Variants in ATP8B4 observed in about 807,000 individuals in gnomAD.
ATP8B4 encodes the protein ATPase phospholipid transporting 8B4 (putative), also known as probable phospholipid-transporting ATPase IM.
Under a neutral mutation model 145.6 loss-of-function variants are expected in ATP8B4, and 133 were observed. The ratio of observed to expected loss-of-function variants is 0.91; its 90% CI spans 0.79 to 1.05. The LOEUF (loss-of-function observed/expected upper bound fraction) is 1.05. Ranked by LOEUF, ATP8B4 falls within the 50% of genes least tolerant of loss-of-function variation. The pLI is 0.00. For missense variants in ATP8B4, 1,458 were observed against 1,425.2 expected (o/e 1.02, Z -0.37); for synonymous variants, 507 against 492.9 (o/e 1.03, Z -0.38).
At chr15:49,976,507 T>G (rs1167000772) in intron 12 of ATP8B4, among the ~76,000 whole-genome samples, 1 of 152,004 alleles carries the variant, frequency 6.6e-6, no homozygotes, top group Non-Finnish European at 1.5e-5. Context: ...GAGCCAAGAC[T>G]AGAACTCAGG....
At chr15:50,071,219 A>C (rs572085689) in intron 3 of ATP8B4, among the ~76,000 whole-genome samples, 169 of 152,328 alleles carry the variant, frequency 1.1e-3, no homozygotes, top group African/African-American at 4.0e-3. Flanking sequence ...CTATATCATT[A>C]GCATTTTATG....
intron 2 of ATP8B4, among the ~76,000 whole-genome samples, chr15:50,083,511 A>C (rs986488435): frequency 9.2e-5 from 14 of 152,188 alleles, no homozygotes; most frequent in Non-Finnish European, 1.8e-4. Context: ...GAGGGCATTT[A>C]ATTTTCCTCT....
intron 1 of ATP8B4, among the ~76,000 whole-genome samples, chr15:50,173,759 A>C (rs2044723252): frequency 6.6e-6 from 1 of 152,180 alleles, no homozygotes; most frequent in Admixed American, 6.5e-5. Flanking sequence ...CTATTCCACA[A>C]TATAAAGAAA....
At chr15:50,108,965 G>T (rs966540855) in intron 1 of ATP8B4, among the ~76,000 whole-genome samples, 3 of 152,122 alleles carry the variant, frequency 2.0e-5, no homozygotes, top group African/African-American at 7.2e-5. Context: ...GCTTCCAGAT[G>T]CTAAAAGACA....
At chr15:49,887,043 C>G (rs1384159356) in intron 23 of ATP8B4, among the ~76,000 whole-genome samples, 1 of 152,114 alleles carries the variant, frequency 6.6e-6, no homozygotes, top group Non-Finnish European at 1.5e-5. Flanking sequence ...CTCCTGGCCT[C>G]AGGTGATCCA....
intron 14 of ATP8B4, among the ~76,000 whole-genome samples, chr15:49,952,341 T>C (rs963692774): frequency 4.6e-5 from 7 of 152,198 alleles, no homozygotes; most frequent in African/African-American, 1.4e-4. Context: ...CAATCAATCA[T>C]AGGTTTGGTG....
intron 8 of ATP8B4, 104 bp downstream of exon 8, chr15:50,002,049 A>G (rs1020101158): frequency 8.0e-5 from 74 of 924,882 alleles, no homozygotes; most frequent in Admixed American, 3.2e-4. Context: ...GTAAACTCCT[A>G]TGTCTCCCAA....
At chr15:50,026,866 C>A (rs1318672965) in intron 6 of ATP8B4, among the ~76,000 whole-genome samples, 1 of 152,134 alleles carries the variant, frequency 6.6e-6, no homozygotes, top group East Asian at 1.9e-4. Flanking sequence ...GTACTTGTGA[C>A]GGACCACATT....
intron 1 of ATP8B4, among the ~76,000 whole-genome samples, chr15:50,157,597 GC>G (rs2044438717): frequency 6.6e-6 from 1 of 152,120 alleles, no homozygotes; most frequent in African/African-American, 2.4e-5. Context: ...GCTCAGGATA[GC>G]TTTTGTGGTT....
At position 50,075,674 on chromosome 15, in the gene ATP8B4, A is replaced by G. The variant is rs1267000114; in HGVS notation, c.29-1489T>C. Among the ~76,000 whole-genome samples, 18 of 152,146 alleles carry G rather than the reference A, an allele frequency of 1.2e-4. 1 individual carries two copies. The highest frequency in any genetic ancestry group is 1.2e-3 in the Admixed American group (18 of 15,278). ...GGTTTGCTCCTAACCTATAACTTTG[A>G]AATCCAGAATCCACCAGGAAGCAAC... On this transcript the variant is annotated intron_variant, in intron 2 of 27. Transcript: ENST00000284509.
chr15:50,062,116 T>C (rs1346058810), intron 3 of ATP8B4, among the ~76,000 whole-genome samples: 1 of 152,128 alleles, frequency 6.6e-6, no homozygotes, highest in Non-Finnish European at 1.5e-5. Context: ...TCAATACGTG[T>C]GATATAGTTT....
rs574984250 is a variant in ATP8B4, at chr15:50,050,541, T to C, written c.88-3077A>G. Among the ~76,000 whole-genome samples the C allele has an allele frequency of 1.2e-4, 18 of 152,208 alleles. No individual in the cohort carries two copies. In the South Asian group the frequency reaches 2.5e-3, roughly 21 times the overall value. ...GTATACTATCTAAAGCATTAAATATTCCTCCCAGCTTTGTGTCATCAGAAA... is the reference window on the plus strand; with the variant it reads ...GTATACTATCTAAAGCATTAAATATCCCTCCCAGCTTTGTGTCATCAGAAA... On this transcript the variant is annotated intron_variant, in intron 3 of 27. Transcript: ENST00000284509.
intron 2 of ATP8B4, among the ~76,000 whole-genome samples, chr15:50,076,528 G>C (rs754315306): frequency 6.6e-6 from 1 of 151,856 alleles, no homozygotes; most frequent in Non-Finnish European, 1.5e-5. Flanking sequence ...AAACCATCCT[G>C]TCCAGCATCT....
chr15:50,091,197 G>A (rs1398112121), intron 2 of ATP8B4, among the ~76,000 whole-genome samples: 2 of 152,092 alleles, frequency 1.3e-5, no homozygotes, highest in Admixed American at 6.6e-5. Flanking sequence ...AACATTAGAT[G>A]AGAACTAGGT....
chr15:50,150,031 G>C (rs960256747), intron 1 of ATP8B4, among the ~76,000 whole-genome samples: 1 of 151,938 alleles, frequency 6.6e-6, no homozygotes, highest in African/African-American at 2.4e-5. Flanking sequence ...AACCCGGGAG[G>C]TGGAGGTTGC....
intron 9 of ATP8B4, among the ~76,000 whole-genome samples, chr15:49,994,232 C>G (rs79618990): frequency 6.6e-6 from 1 of 152,018 alleles, no homozygotes; most frequent in African/African-American, 2.4e-5. Flanking sequence ...CAGACACCTG[C>G]CTTCCAGGAG....
intron 25 of ATP8B4, among the ~76,000 whole-genome samples, chr15:49,874,655 T>C (rs1476423443): frequency 6.6e-6 from 1 of 152,224 alleles, no homozygotes; most frequent in African/African-American, 2.4e-5. Context: ...TATCATTCTA[T>C]ATCATTCTTA....
intron 2 of ATP8B4, among the ~76,000 whole-genome samples, chr15:50,102,786 C>CAAAA (rs34999776): frequency 3.6e-5 from 5 of 140,548 alleles, no homozygotes; most frequent in Admixed American, 7.0e-5. Context: ...ATGGACATAA[C>CAAAA]AAAAAAAAAA....
At chr15:50,142,969 A>C (rs2153680005) in intron 1 of ATP8B4, among the ~76,000 whole-genome samples, 1 of 152,324 alleles carries the variant, frequency 6.6e-6, no homozygotes, top group East Asian at 1.9e-4. Flanking sequence ...ATGCATAGGA[A>C]GGAGTTAAGA....
Sources: gnomAD v4.1 joint callset for allele counts (sites outside exome capture counted in the v4.1 genomes callset) on GRCh38, gnomAD v4.1.1 for gene constraint, MANE v1.5 for transcripts, NCBI Gene and HGNC (gene_info 2026-07-23, HGNC 2026-07-21) for gene names.